DOK6: variants seen among roughly 807,000 people sequenced by gnomAD.
DOK6 encodes docking protein 6.
A neutral mutation model predicts 44.0 loss-of-function variants in DOK6; 22 were observed. The observed-to-expected ratio is 0.50, with a 90% CI of 0.36 to 0.71. DOK6 has a LOEUF of 0.71. DOK6 is among the 30% of genes least tolerant of loss of function. The probability of loss-of-function intolerance (pLI) is 0.00; values close to 1 mark genes in which losing one functional copy is unlikely to be tolerated. For synonymous variants in DOK6, 166 were observed against 145.5 expected (o/e 1.14, Z -1.01); for missense variants, 340 against 416.4 (o/e 0.82, Z 1.60).
intron 2 of DOK6, among the ~76,000 whole-genome samples, chr18:69,588,167 A>G (rs1282764031): frequency 6.6e-6 from 1 of 152,222 alleles, no homozygotes; most frequent in Non-Finnish European, 1.5e-5. Context: ...GACCAAAATC[A>G]GGATAGCCAT....
chr18:69,540,921 G>A (rs1036963307), intron 1 of DOK6, among the ~76,000 whole-genome samples: 1 of 152,020 alleles, frequency 6.6e-6, no homozygotes, highest in African/African-American at 2.4e-5. Flanking sequence ...TCATAGTTCT[G>A]TTAAAGAATC....
chr18:69,543,754 T>A (rs58905260), intron 1 of DOK6, among the ~76,000 whole-genome samples: 5,823 of 151,592 alleles, frequency 0.038, 386 homozygotes, highest in East Asian at 0.27. Context: ...AACAAAATGA[T>A]AATAATGTAG....
chr18:69,481,005 C>T (rs1294404232), intron 1 of DOK6, among the ~76,000 whole-genome samples: 2 of 152,046 alleles, frequency 1.3e-5, no homozygotes, highest in African/African-American at 2.4e-5. Flanking sequence ...GATATTTGCC[C>T]TTCTCCCACA....
chr18:69,427,936 C>A (rs936629031), intron 1 of DOK6, among the ~76,000 whole-genome samples: 2 of 152,044 alleles, frequency 1.3e-5, no homozygotes, highest in Non-Finnish European at 2.9e-5. Context: ...CACCACCACA[C>A]CCAGCTAATT....
At chr18:69,599,354 C>T (rs1307041738) in intron 2 of DOK6, 30 bp from the exon 3 acceptor site, 3 of 1,520,458 alleles carry the variant, frequency 2.0e-6, no homozygotes, top group African/African-American at 2.8e-5. Flanking sequence ...ACATACTGTA[C>T]ACTAAGTTAA....
chr18:69,520,208 C>A (rs1256180160), intron 1 of DOK6, among the ~76,000 whole-genome samples: 1 of 151,692 alleles, frequency 6.6e-6, no homozygotes, highest in Non-Finnish European at 1.5e-5. Context: ...TTCCTGAAGA[C>A]TCTTTAAAAA....
At chr18:69,552,996 C>A (rs1043110782) in intron 1 of DOK6, among the ~76,000 whole-genome samples, 1 of 152,148 alleles carries the variant, frequency 6.6e-6, no homozygotes, top group Non-Finnish European at 1.5e-5. Context: ...TTAAAATATT[C>A]TTTAATTGGC....
At chr18:69,826,933 T>C (rs1347772173) in intron 7 of DOK6, among the ~76,000 whole-genome samples, 1 of 152,196 alleles carries the variant, frequency 6.6e-6, no homozygotes, top group African/African-American at 2.4e-5. Context: ...TAGAGGATTA[T>C]AATTTGCTGC....
chr18:69,598,025 G>T (rs563572559), intron 2 of DOK6, among the ~76,000 whole-genome samples: 2 of 152,146 alleles, frequency 1.3e-5, no homozygotes, highest in African/African-American at 4.8e-5. Context: ...ATATCCAATT[G>T]CTCATTTCCA....
intron 1 of DOK6, among the ~76,000 whole-genome samples, chr18:69,514,839 A>AT (rs543338373): frequency 0.24 from 29,513 of 121,176 alleles, 3,129 homozygotes; most frequent in Non-Finnish European, 0.27. Context: ...CTCCATATAT[A>AT]TTTTTTTTTT....
At chr18:69,552,229 C>G (rs1982583511) in intron 1 of DOK6, among the ~76,000 whole-genome samples, 2 of 152,136 alleles carry the variant, frequency 1.3e-5, no homozygotes, top group Non-Finnish European at 2.9e-5. Flanking sequence ...GATGTCAGAG[C>G]TCAGAGTGTT....
chr18:69,725,513 T>C (rs1224583732), intron 5 of DOK6, among the ~76,000 whole-genome samples: 1 of 152,188 alleles, frequency 6.6e-6, no homozygotes, highest in East Asian at 1.9e-4. Context: ...ATTGAGACAG[T>C]GTCTCACTCT....
rs529567900 is a variant in DOK6 at position 69,775,266 on chromosome 18, G to T, written c.856+17393G>T. Among the ~76,000 whole-genome samples the T allele has an allele frequency of 6.6e-5, 10 of 152,052 alleles. No homozygotes were observed. The South Asian group carries it at 2.1e-3, about 32-fold the overall frequency. On this transcript the variant is annotated intron_variant, in intron 7 of 7. Coordinates refer to ENST00000382713, the MANE Select transcript of DOK6 (RefSeq NM_152721.6). ...TAAAGAAAATAAATAATGGATGTAC[G>T]TAATGGAAAATAAATTTGAACTCAC...
chr18:69,728,657 G>A (rs1978324504), intron 5 of DOK6, among the ~76,000 whole-genome samples: 1 of 151,732 alleles, frequency 6.6e-6, no homozygotes, highest in Non-Finnish European at 1.5e-5. Flanking sequence ...TTGCACTACA[G>A]TAACTTCCTG....
chr18:69,491,056 G>C (rs1980721922), intron 1 of DOK6, among the ~76,000 whole-genome samples: 1 of 152,088 alleles, frequency 6.6e-6, no homozygotes, highest in African/African-American at 2.4e-5. Context: ...TAAACATTCA[G>C]TAAGTGTTAT....
intron 7 of DOK6, among the ~76,000 whole-genome samples, chr18:69,815,987 T>G (rs1981387118): frequency 6.6e-6 from 1 of 152,150 alleles, no homozygotes; most frequent in Non-Finnish European, 1.5e-5. Context: ...AAACACAAGT[T>G]TCTGTGGACA....
chr18:69,478,662 T>C (rs559763400), intron 1 of DOK6, among the ~76,000 whole-genome samples: 1 of 152,330 alleles, frequency 6.6e-6, no homozygotes, highest in East Asian at 1.9e-4. Flanking sequence ...GAATAAGTTT[T>C]AATTTACAGA....
intron 7 of DOK6, among the ~76,000 whole-genome samples, chr18:69,818,260 G>C (rs1416484709): frequency 6.6e-6 from 1 of 152,168 alleles, no homozygotes; most frequent in Non-Finnish European, 1.5e-5. Context: ...TTCACATCTT[G>C]AGACATCTCA....
chr18:69,706,594 A>G (rs1282774288), intron 5 of DOK6, among the ~76,000 whole-genome samples: 3 of 151,548 alleles, frequency 2.0e-5, no homozygotes, highest in Non-Finnish European at 4.4e-5. Context: ...TTACATATGT[A>G]TACATGTGCC....
Sources: gnomAD v4.1 joint callset for allele counts (sites outside exome capture counted in the v4.1 genomes callset) on GRCh38, gnomAD v4.1.1 for gene constraint, MANE v1.5 for transcripts, NCBI Gene and HGNC (gene_info 2026-07-23, HGNC 2026-07-21) for gene names.